The following DGKH variants were observed in gnomAD, a reference collection of about 807,000 sequenced individuals.
The protein encoded by DGKH is diacylglycerol kinase eta.
A neutral mutation model predicts 159.3 loss-of-function variants in DGKH; 90 were observed. The observed-to-expected ratio is 0.57, with a 90% CI of 0.48 to 0.67. The LOEUF (loss-of-function observed/expected upper bound fraction) is 0.67, where lower values mean the gene tolerates loss of function less well. DGKH is among the 30% of genes least tolerant of loss of function. DGKH has a pLI of 0.00. For missense variants in DGKH, 1,181 were observed against 1,506.1 expected (o/e 0.78, Z 3.57); for synonymous variants, 536 against 553.8 (o/e 0.97, Z 0.45).
intron 11 of DGKH, among the ~76,000 whole-genome samples, chr13:42,169,068 A>G (rs1057256503): frequency 2.0e-5 from 3 of 152,198 alleles, no homozygotes; most frequent in African/African-American, 7.2e-5. Context: ...GGAACTCATT[A>G]TTTTAAATAC....
chr13:42,201,980 C>T (rs1347399220), intron 20 of DGKH, among the ~76,000 whole-genome samples: 3 of 152,048 alleles, frequency 2.0e-5, no homozygotes, highest in Admixed American at 6.5e-5. Context: ...TAATTGAGGG[C>T]GATGCTAAAC....
intron 1 of DGKH, among the ~76,000 whole-genome samples, chr13:42,121,065 A>G (rs190771184): frequency 1.4e-3 from 176 of 129,106 alleles, no homozygotes; most frequent in African/African-American, 5.3e-3. Context: ...AATATATATT[A>G]TACACACACA....
chr13:42,224,903 A>AATATAT (rs760409674), intron 29 of DGKH, among the ~76,000 whole-genome samples: 2 of 144,894 alleles, frequency 1.4e-5, no homozygotes, highest in African/African-American at 5.0e-5. Flanking sequence ...GGAAAAAAAA[A>AATATAT]ATATATATAT....
Position 42,217,395 on chromosome 13 carries a change from A to G in DGKH, c.3213+1728A>G, listed in dbSNP as rs143735886. Among the ~76,000 whole-genome samples the G allele has an allele frequency of 6.3e-3, 955 of 151,458 alleles. 9 individuals carry two copies. The highest frequency in any genetic ancestry group is 0.022 in the African/African-American group (896 of 41,246). On this transcript the variant is annotated intron_variant, in intron 26 of 29. Coordinates refer to ENST00000337343, the MANE Select transcript of DGKH (RefSeq NM_178009.5). ...GCTGGGACTACAATCGCGCACCACCATGCCTGGCAATTTTTTTTTTTCTTT... is the reference window on the plus strand; with the variant it reads ...GCTGGGACTACAATCGCGCACCACCGTGCCTGGCAATTTTTTTTTTTCTTT...
chr13:42,106,827 A>T (rs1227606488), intron 1 of DGKH, among the ~76,000 whole-genome samples: 1 of 152,024 alleles, frequency 6.6e-6, no homozygotes, highest in African/African-American at 2.4e-5. Flanking sequence ...GTGGATCACA[A>T]GTCAGGAGTT....
At chr13:42,155,624 T>C (rs1323701926) in intron 4 of DGKH, 43 bp from the exon 5 acceptor site, 4 of 1,613,814 alleles carry the variant, frequency 2.5e-6, no homozygotes, top group Non-Finnish European at 3.4e-6. Flanking sequence ...TCTGTAGCCT[T>C]GTTCACTGGC....
chr13:42,059,919 T>TA lies in DGKH; in HGVS notation c.192+10954_192+10955insA, dbSNP rs1157633674. On this transcript the variant is annotated intron_variant, in intron 1 of 29. Transcript: ENST00000337343. ...CTCTCTTTTTTCTTTTTTTTTTTTT[T>TA]TATATATATAGAGTCTCACTCTGTC... Among the ~76,000 whole-genome samples, 245 of 150,702 alleles carry TA rather than the reference T, an allele frequency of 1.6e-3. 1 individual carries two copies. The highest frequency in any genetic ancestry group is 2.6e-3 in the Admixed American group (39 of 15,156).
At chr13:42,140,497 A>C (rs1566123537) in intron 3 of DGKH, 1 of 152,218 alleles carries the variant, frequency 6.6e-6, no homozygotes, top group Non-Finnish European at 1.5e-5. Flanking sequence ...AAACTTCTAA[A>C]ACCTGTCTCT....
At chr13:42,064,895 T>A (rs188799224) in intron 1 of DGKH, among the ~76,000 whole-genome samples, 1 of 152,222 alleles carries the variant, frequency 6.6e-6, no homozygotes, top group Admixed American at 6.5e-5. Context: ...TTTTTAAATT[T>A]ACAAATGAAA....
intron 3 of DGKH, among the ~76,000 whole-genome samples, chr13:42,131,080 T>C (rs1159301238): frequency 6.6e-6 from 1 of 151,970 alleles, no homozygotes; most frequent in Non-Finnish European, 1.5e-5. Context: ...TTGGTCCCAT[T>C]GATGTGAGTA....
intron 27 of DGKH, 146 bp downstream of exon 27, chr13:42,219,495 C>T (rs1957909867): frequency 1.5e-6 from 2 of 1,351,596 alleles, no homozygotes; most frequent in South Asian, 2.9e-5. Context: ...TGAGAAAAGG[C>T]ATTTATGTGA....
At chr13:42,143,445 T>A (rs1237110798) in intron 3 of DGKH, among the ~76,000 whole-genome samples, 1 of 152,206 alleles carries the variant, frequency 6.6e-6, no homozygotes, top group Non-Finnish European at 1.5e-5. Flanking sequence ...CTTCTTTTTC[T>A]ATTGATTGGA....
At chr13:42,220,809 C>T (rs1248071423) in intron 28 of DGKH, among the ~76,000 whole-genome samples, 1 of 152,106 alleles carries the variant, frequency 6.6e-6, no homozygotes, top group Non-Finnish European at 1.5e-5. Context: ...TCAGCAAGAC[C>T]TTAAGCAGAA....
intron 29 of DGKH, chr13:42,225,360 A>AT: frequency 1.3e-6 from 2 of 1,567,028 alleles, no homozygotes; most frequent in African/African-American, 1.4e-5. Flanking sequence ...TGTTTAGTTT[A>AT]TTTTTTGTTT....
chr13:42,221,313 T>A lies in DGKH; in HGVS notation c.3492T>A (p.Asn1164Lys), dbSNP rs1397946970. The A allele has an allele frequency of 6.2e-7, 1 of 1,613,642 alleles. No homozygotes were observed. Among genetic ancestry groups the A allele is most frequent in the Non-Finnish European group, 8.5e-7 (1 of 1,179,714 alleles). Residue 1164 changes from asparagine (N) to lysine (K), a missense_variant, in exon 29 of 30, where the codon AAT (asparagine) becomes AAA (lysine). Asn to Lys is a moderately conservative substitution (Grantham distance 94, BLOSUM62 0). Coordinates refer to ENST00000337343, the MANE Select transcript of DGKH (RefSeq NM_178009.5). The stretch of plus-strand genomic sequence containing the variant: ...TTGCTGCTTGGCTGGATCTGCTCAA[T>A]TTGGGAGAGTACAAAGATATCTTCA... ...EEVAAWLDLL[N>K]LGEYKDIFIR...
At chr13:42,142,771 G>A (rs967882416) in intron 3 of DGKH, among the ~76,000 whole-genome samples, 1 of 152,148 alleles carries the variant, frequency 6.6e-6, no homozygotes, top group Non-Finnish European at 1.5e-5. Flanking sequence ...TGCTGAAGTT[G>A]CCTATCACCT....
chr13:42,129,203 C>T (rs144517216), intron 2 of DGKH, among the ~76,000 whole-genome samples: 1 of 152,306 alleles, frequency 6.6e-6, no homozygotes, highest in African/African-American at 2.4e-5. Context: ...CCTCTGCCTC[C>T]CTGGCAGAGC....
Position 42,138,181 on chromosome 13 carries a change from A to G in DGKH, c.384+8549A>G, listed in dbSNP as rs893589142. On this transcript the variant is annotated intron_variant, in intron 3 of 29. Coordinates refer to ENST00000337343, the MANE Select transcript of DGKH (RefSeq NM_178009.5). Reference sequence around the variant, plus strand: ...TGGCTAATAGCAGGGCACAGCTAATATGGAATTCAGGGCTCTCAGCTCTTG... The same window carrying G: ...TGGCTAATAGCAGGGCACAGCTAATGTGGAATTCAGGGCTCTCAGCTCTTG... 3 of 893,676 alleles carry G rather than the reference A, an allele frequency of 3.4e-6. No homozygotes were observed. In the African/African-American group the frequency reaches 5.4e-5, roughly 16 times the overall value. The allele number at this position is 893,676 out of a possible 1,614,324, so 55.4% of individuals were successfully genotyped here. A position where few individuals can be genotyped will look rare whatever the true frequency, so the allele number is the denominator to read the frequency against.
chr13:42,250,108 C>T (rs1257258451), intron 29 of DGKH, among the ~76,000 whole-genome samples: 1 of 151,850 alleles, frequency 6.6e-6, no homozygotes, highest in East Asian at 1.9e-4. Flanking sequence ...GTAGCTGGGA[C>T]TACAGGCACA....
Sources: gnomAD v4.1 joint callset for allele counts (sites outside exome capture counted in the v4.1 genomes callset) on GRCh38, gnomAD v4.1.1 for gene constraint, MANE v1.5 for transcripts, NCBI Gene and HGNC (gene_info 2026-07-23, HGNC 2026-07-21) for gene names.